Variants in TMEM108 observed in about 807,000 individuals in gnomAD.
The protein encoded by TMEM108 is transmembrane protein 108.
Under a neutral mutation model 35.1 loss-of-function variants are expected in TMEM108, and 12 were observed. The ratio of observed to expected loss-of-function variants is 0.34; its 90% CI spans 0.22 to 0.55. The LOEUF is 0.55. Ranked by LOEUF, TMEM108 falls within the 20% of genes least tolerant of loss-of-function variation. TMEM108 has a pLI of 0.89. For synonymous variants in TMEM108, 287 were observed against 308.6 expected (o/e 0.93, Z 0.73); for missense variants, 680 against 753.3 (o/e 0.90, Z 1.14).
At chr3:133,088,075 C>G (rs141990643) in intron 2 of TMEM108, among the ~76,000 whole-genome samples, 1 of 151,964 alleles carries the variant, frequency 6.6e-6, no homozygotes, top group Non-Finnish European at 1.5e-5. Flanking sequence ...CAGTGGGGGC[C>G]GAAACATTTT....
intron 4 of TMEM108, 31 bp from the exon 5 acceptor site, chr3:133,390,149 C>G (rs1463293354): frequency 6.2e-7 from 1 of 1,613,140 alleles, no homozygotes; most frequent in South Asian, 1.1e-5. Flanking sequence ...TGCTGCCTCC[C>G]TCTCCTCTCT....
At chr3:133,174,427 C>T (rs1265260200) in intron 2 of TMEM108, among the ~76,000 whole-genome samples, 1 of 152,212 alleles carries the variant, frequency 6.6e-6, no homozygotes, top group Admixed American at 6.5e-5. Context: ...AGGCACCCCC[C>T]AGTAGGGGCA....
chr3:133,126,023 G>C (rs1944411216), intron 2 of TMEM108, among the ~76,000 whole-genome samples: 1 of 152,272 alleles, frequency 6.6e-6, no homozygotes, highest in Admixed American at 6.5e-5. Flanking sequence ...CTAATCTGAG[G>C]CAAATTTGTA....
chr3:133,117,712 A>G (rs1356835513), intron 2 of TMEM108, among the ~76,000 whole-genome samples: 1 of 152,172 alleles, frequency 6.6e-6, no homozygotes, highest in Admixed American at 6.5e-5. Context: ...GGAGCCACCA[A>G]TGTCTTGCAC....
At position 133,379,998 on chromosome 3, in the gene TMEM108, C is replaced by T. The variant is rs1434786935; in HGVS notation, c.287C>T (p.Thr96Ile). The change falls in exon 4 of 6, where the codon ACC becomes ATC. Residue 96 changes from threonine to isoleucine, a missense_variant. Coordinates refer to ENST00000321871, the MANE Select transcript of TMEM108 (RefSeq NM_023943.4). Reference protein sequence around the residue: ...PRAEGHPPTHTISTIAATVTA... With the variant: ...PRAEGHPPTHIISTIAATVTA... ...GCAGAGGGGCACCCTCCTACGCACACCATCTCCACCATCGCTGCGACAGTA... is the reference window on the plus strand; with the variant it reads ...GCAGAGGGGCACCCTCCTACGCACATCATCTCCACCATCGCTGCGACAGTA... 1.2e-6 allele frequency: 2 copies of T among 1,614,000 alleles called. No individual in the cohort carries two copies. Among genetic ancestry groups the T allele is most frequent in the Non-Finnish European group, 1.7e-6 (2 of 1,179,982 alleles).
At chr3:133,170,939 C>T (rs1388423630) in intron 2 of TMEM108, among the ~76,000 whole-genome samples, 1 of 152,160 alleles carries the variant, frequency 6.6e-6, no homozygotes, top group Non-Finnish European at 1.5e-5. Flanking sequence ...ATGTTCCTAA[C>T]ATTCAGACAA....
rs113317255 is a variant in TMEM108 at position 133,280,155 on chromosome 3, C to G, written c.40+50804C>G. On this transcript the variant is annotated intron_variant, in intron 3 of 5. Transcript: ENST00000321871. The stretch of plus-strand genomic sequence containing the variant: ...GCTGAGGAGTCTGAAGCAGGGCAGA[C>G]GAGATGCTGCCTATCTGAGATAGAC... Among the ~76,000 whole-genome samples the G allele has an allele frequency of 9.8e-3, 1,495 of 152,144 alleles. 24 individuals are homozygous for G. The highest frequency in any genetic ancestry group is 0.033 in the African/African-American group (1,383 of 41,474).
In TMEM108 at chr3:133,283,869, A is replaced by C. The variant is rs554796444; in HGVS notation, c.40+54518A>C. On this transcript the variant is annotated intron_variant, in intron 3 of 5. Coordinates refer to ENST00000321871, the MANE Select transcript of TMEM108 (RefSeq NM_023943.4). The stretch of plus-strand genomic sequence containing the variant: ...CGTATTTAGTGTCTCTCAGATACTC[A>C]GAAAACTCAGCAATAGCATTTCTGA... 5.9e-5 allele frequency among the ~76,000 whole-genome samples: 9 copies of C among 152,372 alleles called. No homozygotes were observed. In the South Asian group the frequency reaches 1.4e-3, roughly 25 times the overall value.
chr3:133,344,006 C>T lies in TMEM108; in HGVS notation c.41-35746C>T, dbSNP rs151055474. ...GTAGTCACAGAGTGCCATCCCCCTGCACTCTCCATCCACAGAAAAATTGTC... is the reference window on the plus strand; with the variant it reads ...GTAGTCACAGAGTGCCATCCCCCTGTACTCTCCATCCACAGAAAAATTGTC... On this transcript the variant is annotated intron_variant, in intron 3 of 5. Coordinates refer to ENST00000321871, the MANE Select transcript of TMEM108 (RefSeq NM_023943.4). Among the ~76,000 whole-genome samples the T allele has an allele frequency of 1.9e-3, 290 of 151,966 alleles. 1 individual carries two copies. Among genetic ancestry groups the T allele is most frequent in the East Asian group, 5.8e-3 (30 of 5,180 alleles).
At chr3:133,303,407 C>A (rs1947258969) in intron 3 of TMEM108, 1 of 152,054 alleles carries the variant, frequency 6.6e-6, no homozygotes, top group African/African-American at 2.4e-5. Context: ...GGATAATGAA[C>A]CTTATCAAGG....
At chr3:133,061,573 A>C (rs76981276) in intron 2 of TMEM108, among the ~76,000 whole-genome samples, 4,193 of 152,296 alleles carry the variant, frequency 0.028, 101 homozygotes, top group South Asian at 0.061. Context: ...CCTACTGACC[A>C]AGTGCTTGCA....
chr3:133,267,932 G>T (rs1019155239), intron 3 of TMEM108, among the ~76,000 whole-genome samples: 6 of 152,182 alleles, frequency 3.9e-5, no homozygotes, highest in African/African-American at 1.4e-4. Context: ...AATCCTAGAG[G>T]TTACACAGAT....
intron 3 of TMEM108, chr3:133,303,434 C>A (rs1947259430): frequency 6.6e-6 from 1 of 152,138 alleles, no homozygotes; most frequent in African/African-American, 2.4e-5. Flanking sequence ...ATAAACAATT[C>A]TTTTCTGGTA....
intron 3 of TMEM108, among the ~76,000 whole-genome samples, chr3:133,265,782 T>C (rs1002984402): frequency 2.0e-5 from 3 of 152,236 alleles, no homozygotes; most frequent in Non-Finnish European, 2.9e-5. Context: ...CTATATACTT[T>C]ATTATTTGGC....
At chr3:133,200,423 T>C (rs1945646161) in intron 2 of TMEM108, among the ~76,000 whole-genome samples, 1 of 152,326 alleles carries the variant, frequency 6.6e-6, no homozygotes, top group Non-Finnish European at 1.5e-5. Flanking sequence ...TCACTACTTA[T>C]GCTTCTGCAG....
At chr3:133,208,282 A>G (rs928515260) in intron 2 of TMEM108, among the ~76,000 whole-genome samples, 5 of 152,154 alleles carry the variant, frequency 3.3e-5, no homozygotes, top group African/African-American at 7.2e-5. Context: ...TTTGAGAACC[A>G]CTTGTGTAGA....
rs896016411 is a variant in TMEM108 at position 133,307,485 on chromosome 3, T to A, written c.41-72267T>A. On this transcript the variant is annotated intron_variant, in intron 3 of 5. Transcript: ENST00000321871. ...GAATGGTATTGCCTAGTTTTTCTTC[T>A]AGGGTTTTTATGGTTTTAGGTCTAA... 2.0e-5 allele frequency among the ~76,000 whole-genome samples: 3 copies of A among 152,308 alleles called. No individual in the cohort carries two copies. In the East Asian group the frequency reaches 5.8e-4, roughly 29 times the overall value.
At chr3:133,302,626 G>A (rs1025696435) in intron 3 of TMEM108, among the ~76,000 whole-genome samples, 1 of 151,600 alleles carries the variant, frequency 6.6e-6, no homozygotes, top group South Asian at 2.1e-4. Context: ...TTCACCGTGT[G>A]AGCCAGGATG....
chr3:133,182,266 T>G (rs528265045), intron 2 of TMEM108, among the ~76,000 whole-genome samples: 7 of 152,174 alleles, frequency 4.6e-5, no homozygotes, highest in African/African-American at 1.7e-4. Context: ...GGACCAATAG[T>G]CCTAAGTCGA....
Sources: gnomAD v4.1 joint callset for allele counts (sites outside exome capture counted in the v4.1 genomes callset) on GRCh38, gnomAD v4.1.1 for gene constraint, MANE v1.5 for transcripts, NCBI Gene and HGNC (gene_info 2026-07-23, HGNC 2026-07-21) for gene names.